Variants in SH3PXD2A observed in about 807,000 individuals in gnomAD.
SH3PXD2A encodes SH3 and PX domains 2A.
Under a neutral mutation model 115.2 loss-of-function variants are expected in SH3PXD2A, and 32 were observed. The ratio of observed to expected loss-of-function variants is 0.28; its 90% CI spans 0.21 to 0.37. The LOEUF is 0.37. SH3PXD2A is among the 10% of genes least tolerant of loss of function. SH3PXD2A has a pLI of 1.00. For missense variants in SH3PXD2A, 1,328 were observed against 1,498.7 expected, an observed-to-expected ratio of 0.89 and a Z score of 1.88; for synonymous variants, 610 against 629.1, an observed-to-expected ratio of 0.97 and a Z score of 0.45.
intron 3 of SH3PXD2A, among the ~76,000 whole-genome samples, chr10:103,742,968 C>T (rs940846011): frequency 3.4e-4 from 51 of 152,116 alleles, no homozygotes; most frequent in Middle Eastern, 6.8e-3. Context: ...AAGGGTGACA[C>T]GCATGCTCGT....
At chr10:103,788,361 T>G (rs2039000234) in intron 2 of SH3PXD2A, among the ~76,000 whole-genome samples, 2 of 152,192 alleles carry the variant, frequency 1.3e-5, no homozygotes, top group African/African-American at 4.8e-5. Context: ...TAACACAGCC[T>G]GAACCTTCCA....
intron 3 of SH3PXD2A, among the ~76,000 whole-genome samples, chr10:103,750,936 G>A (rs530553158): frequency 6.6e-6 from 1 of 152,316 alleles, no homozygotes; most frequent in South Asian, 2.1e-4. Flanking sequence ...GCTAAGAAGG[G>A]CAGGGCAGTG....
chr10:103,699,598 T>C (rs978344009), intron 5 of SH3PXD2A, among the ~76,000 whole-genome samples: 1 of 152,210 alleles, frequency 6.6e-6, no homozygotes, highest in Non-Finnish European at 1.5e-5. Context: ...CACTGAGGTC[T>C]GGAGAGTTGG....
At chr10:103,786,797 G>A (rs2038985053) in intron 2 of SH3PXD2A, among the ~76,000 whole-genome samples, 1 of 152,188 alleles carries the variant, frequency 6.6e-6, no homozygotes, top group Non-Finnish European at 1.5e-5. Flanking sequence ...CAAAGCACGT[G>A]CCAACACTGG....
rs79767898 is a variant in SH3PXD2A at position 103,766,515 on chromosome 10, A to C, written c.229+579T>G. On this transcript the variant is annotated intron_variant, in intron 3 of 14. Coordinates refer to ENST00000369774, the MANE Select transcript of SH3PXD2A (RefSeq NM_001394015.1). ...TCGGTATAGAGATGTGCATATGATA[A>C]CAAATAAAAAAGCACTCCATGGCTA... 4.8e-3 allele frequency among the ~76,000 whole-genome samples: 732 copies of C among 152,322 alleles called. 8 individuals are homozygous for C. The highest frequency in any genetic ancestry group is 0.016 in the African/African-American group (683 of 41,558).
At chr10:103,663,110 T>G (rs1371028809) in intron 7 of SH3PXD2A, among the ~76,000 whole-genome samples, 1 of 152,238 alleles carries the variant, frequency 6.6e-6, no homozygotes, top group African/African-American at 2.4e-5. Context: ...TGGCATAAAC[T>G]ATATGTCTGC....
intron 4 of SH3PXD2A, among the ~76,000 whole-genome samples, chr10:103,732,104 G>C (rs748462244): frequency 2.6e-5 from 4 of 152,204 alleles, no homozygotes; most frequent in Non-Finnish European, 5.9e-5. Context: ...TCATTAACAT[G>C]TCAAAGGGTG....
intron 3 of SH3PXD2A, among the ~76,000 whole-genome samples, chr10:103,762,484 G>C (rs963648801): frequency 6.6e-6 from 1 of 152,194 alleles, no homozygotes; most frequent in Non-Finnish European, 1.5e-5. Context: ...ATAGGCCTGG[G>C]GGGGCTCCCT....
intron 1 of SH3PXD2A, among the ~76,000 whole-genome samples, chr10:103,834,216 G>A (rs1358205933): frequency 6.6e-6 from 1 of 152,224 alleles, no homozygotes; most frequent in African/African-American, 2.4e-5. Context: ...GGGCCATGGG[G>A]AGTGGCTGTG....
At chr10:103,708,150 T>G (rs999615407) in intron 5 of SH3PXD2A, among the ~76,000 whole-genome samples, 2 of 152,306 alleles carry the variant, frequency 1.3e-5, no homozygotes, top group South Asian at 2.1e-4. Context: ...AAGGGACACA[T>G]GAGCCTGGCC....
At chr10:103,805,750 G>T (rs1008226153) in intron 1 of SH3PXD2A, among the ~76,000 whole-genome samples, 9 of 151,114 alleles carry the variant, frequency 6.0e-5, no homozygotes, top group Non-Finnish European at 1.0e-4. Context: ...AGGGCAGGGC[G>T]CAGTGGCTCA....
At chr10:103,822,866 T>C (rs1435433402) in intron 1 of SH3PXD2A, among the ~76,000 whole-genome samples, 2 of 152,222 alleles carry the variant, frequency 1.3e-5, no homozygotes, top group African/African-American at 2.4e-5. Flanking sequence ...CATCATCTCA[T>C]GTGTAACTGA....
intron 8 of SH3PXD2A, among the ~76,000 whole-genome samples, chr10:103,633,123 A>G (rs1263606708): frequency 6.6e-6 from 1 of 152,244 alleles, no homozygotes; most frequent in Non-Finnish European, 1.5e-5. Flanking sequence ...GTGAGGATAA[A>G]AGTCTCAGCC....
chr10:103,819,010 C>A (rs1464579359), intron 1 of SH3PXD2A, among the ~76,000 whole-genome samples: 1 of 152,198 alleles, frequency 6.6e-6, no homozygotes, highest in East Asian at 1.9e-4. Context: ...AATATTTGAT[C>A]CGGGCTTCCT....
chr10:103,797,904 G>A (rs986290039), intron 2 of SH3PXD2A, among the ~76,000 whole-genome samples: 14 of 152,144 alleles, frequency 9.2e-5, no homozygotes, highest in Non-Finnish European at 2.1e-4. Flanking sequence ...ATCTCCCTGT[G>A]TGCTCCCAGA....
intron 3 of SH3PXD2A, among the ~76,000 whole-genome samples, chr10:103,751,710 G>A (rs928566038): frequency 2.0e-5 from 3 of 152,224 alleles, no homozygotes; most frequent in Non-Finnish European, 2.9e-5. Context: ...TTAAACACCA[G>A]ATCTAATTCC....
chr10:103,769,132 CTCTG>C (rs925286348), intron 2 of SH3PXD2A, among the ~76,000 whole-genome samples: 1 of 120,452 alleles, frequency 8.3e-6, no homozygotes, highest in African/African-American at 3.3e-5. Flanking sequence ...CTAGGCTAGA[CTCTG>C]TGTGTGTGTG....
chr10:103,691,590 T>C (rs1333885093), intron 6 of SH3PXD2A, among the ~76,000 whole-genome samples: 3 of 152,062 alleles, frequency 2.0e-5, no homozygotes, highest in Admixed American at 6.5e-5. Flanking sequence ...CAGGAGGAAA[T>C]GGCCTTCTGC....
At chr10:103,752,762 G>A (rs1015422552) in intron 3 of SH3PXD2A, among the ~76,000 whole-genome samples, 2 of 152,172 alleles carry the variant, frequency 1.3e-5, no homozygotes, top group African/African-American at 2.4e-5. Flanking sequence ...CTGTTGAATC[G>A]TGGTTTAGGA....
Sources: allele counts gnomAD v4.1 joint callset (sites outside exome capture counted in the v4.1 genomes callset), GRCh38; gene constraint gnomAD v4.1.1; transcripts MANE v1.5; gene names NCBI Gene and HGNC (gene_info 2026-07-23, HGNC 2026-07-21).